Variants in IGF2BP1 observed in about 807,000 individuals in gnomAD.
IGF2BP1 encodes insulin-like growth factor 2 mRNA-binding protein 1.
In IGF2BP1, 11 loss-of-function variants were observed where a neutral mutation model predicts 74.9. That is an observed-to-expected ratio of 0.15 (90% confidence interval 0.09 to 0.24). The LOEUF is 0.24. Ranked by LOEUF, IGF2BP1 falls within the 10% of genes least tolerant of loss-of-function variation. IGF2BP1 has a pLI of 1.00. For missense variants in IGF2BP1, 440 were observed against 757.4 expected (o/e 0.58, Z 4.92); for synonymous variants, 287 against 281.8 (o/e 1.02, Z -0.18).
At chr17:49,020,660 C>T (rs2041780919) in intron 2 of IGF2BP1, among the ~76,000 whole-genome samples, 1 of 152,184 alleles carries the variant, frequency 6.6e-6, no homozygotes, top group Non-Finnish European at 1.5e-5. Flanking sequence ...CTTAAGAGTT[C>T]ACACGACCCA....
At chr17:49,019,955 T>TATTTATATATATATTTATATAC (rs2041767170) in intron 2 of IGF2BP1, among the ~76,000 whole-genome samples, 1 of 78,466 alleles carries the variant, frequency 1.3e-5, no homozygotes, top group African/African-American at 6.0e-5. Context: ...TATATTTATA[T>TATTTATATATATATTTATATAC]ACACACACAC....
chr17:49,010,759 C>T (rs2143959592), intron 2 of IGF2BP1, among the ~76,000 whole-genome samples: 1 of 152,174 alleles, frequency 6.6e-6, no homozygotes, highest in Non-Finnish European at 1.5e-5. Context: ...AGTCTCTGCC[C>T]TCCAGCATTT....
upstream of IGF2BP1, among the ~76,000 whole-genome samples, chr17:48,996,790 C>A (rs533636396): frequency 5.3e-5 from 8 of 152,326 alleles, no homozygotes; most frequent in African/African-American, 1.9e-4. Flanking sequence ...GCTTTCCAGT[C>A]CCGCGCTCGC....
At chr17:49,035,531 C>T (rs953378078) in intron 5 of IGF2BP1, among the ~76,000 whole-genome samples, 1 of 152,212 alleles carries the variant, frequency 6.6e-6, no homozygotes, top group South Asian at 2.1e-4. Flanking sequence ...TGGCAGCGGT[C>T]TGGGGCAGTG....
rs553133661 is a variant in IGF2BP1, at chr17:49,039,185, A to G, written c.683+736A>G. ...GCTACCACACCCGGCCTTTTCTCTA[A>G]TCTTTATATCTGATCAGTGTACTCA... On this transcript the variant is annotated intron_variant, in intron 6 of 14. Coordinates refer to ENST00000290341, the MANE Select transcript of IGF2BP1 (RefSeq NM_006546.4). Among the ~76,000 whole-genome samples, 168 of 151,852 alleles carry G rather than the reference A, an allele frequency of 1.1e-3. 1 individual carries two copies. Among genetic ancestry groups the G allele is most frequent in the African/African-American group, 3.6e-3 (151 of 41,424 alleles).
rs923276810 is a variant in IGF2BP1 at position 49,055,622 on chromosome 17, A to G, written c.*6178A>G. On this transcript the variant is annotated 3_prime_UTR_variant, in exon 15 of 15. Transcript: ENST00000290341. Reference sequence around the variant, plus strand: ...GAATTTCAGCAGATTATGTGTTACCATAATGAATAAACGTCCTCTATCACC... The same window carrying G: ...GAATTTCAGCAGATTATGTGTTACCGTAATGAATAAACGTCCTCTATCACC... 3 of 398,542 alleles carry G rather than the reference A, an allele frequency of 7.5e-6. No homozygotes were observed. The highest frequency in any genetic ancestry group is 6.2e-5 in the African/African-American group (3 of 48,638). The allele number at this position is 398,542 out of a possible 1,614,324, so 24.7% of individuals were successfully genotyped here.
At chr17:49,009,445 C>G (rs1001330770) in intron 2 of IGF2BP1, among the ~76,000 whole-genome samples, 1 of 152,094 alleles carries the variant, frequency 6.6e-6, no homozygotes, top group Non-Finnish European at 1.5e-5. Context: ...CGCAGTGGCT[C>G]ATGCCTGTAA....
intron 11 of IGF2BP1, among the ~76,000 whole-genome samples, chr17:49,044,462 G>A (rs1428862485): frequency 1.3e-5 from 2 of 152,128 alleles, no homozygotes; most frequent in Non-Finnish European, 2.9e-5. Context: ...AAAGCCCTTC[G>A]CTCACATACT....
At chr17:49,019,935 T>TC (rs2041762827) in intron 2 of IGF2BP1, among the ~76,000 whole-genome samples, 3 of 61,572 alleles carry the variant, frequency 4.9e-5, no homozygotes, top group African/African-American at 2.6e-4. Context: ...TATATATATA[T>TC]ATATATATAT....
chr17:48,999,249 C>A, intron 2 of IGF2BP1, 80 bp downstream of exon 2: 1 of 856,770 alleles, frequency 1.2e-6, no homozygotes, highest in South Asian at 1.4e-5. Flanking sequence ...TCCATAGCGT[C>A]TCCAGTGGAA....
At chr17:49,014,990 C>T in intron 2 of IGF2BP1, 2 of 967,122 alleles carry the variant, frequency 2.1e-6, no homozygotes, top group Non-Finnish European at 2.5e-6. Flanking sequence ...TGGGCACCAG[C>T]TCCATCCTCG....
intron 10 of IGF2BP1, 69 bp from the exon 11 acceptor site, chr17:49,043,898 C>A: frequency 6.3e-7 from 1 of 1,581,812 alleles, no homozygotes; most frequent in Non-Finnish European, 8.6e-7. Context: ...GGATGCAAGG[C>A]AGGGGAGTGG....
intron 2 of IGF2BP1, among the ~76,000 whole-genome samples, chr17:49,018,803 C>T (rs1284616320): frequency 6.6e-6 from 1 of 152,138 alleles, no homozygotes; most frequent in African/African-American, 2.4e-5. Flanking sequence ...AACCCTACTC[C>T]TAGTTTCCCA....
rs1406707528 is a variant in IGF2BP1, at chr17:49,054,826, C to G, written c.*5382C>G. The G allele has an allele frequency of 6.6e-6, 1 of 152,210 alleles. No homozygotes were observed. Among genetic ancestry groups the G allele is most frequent in the Non-Finnish European group, 1.5e-5 (1 of 68,062 alleles). The allele number at this position is 152,210 out of a possible 1,614,324, so 9.4% of individuals were successfully genotyped here. ...CCTTTTTCAGTCTTCAATGGGGGCCCAGTTGGCTCTAGAAGGAGAAGAGGT... is the reference window on the plus strand; with the variant it reads ...CCTTTTTCAGTCTTCAATGGGGGCCGAGTTGGCTCTAGAAGGAGAAGAGGT... On this transcript the variant is annotated 3_prime_UTR_variant, in exon 15 of 15. Coordinates refer to ENST00000290341, the MANE Select transcript of IGF2BP1 (RefSeq NM_006546.4).
Position 49,050,682 on chromosome 17 carries a change from G to C in IGF2BP1, c.*1238G>C, listed in dbSNP as rs188507048. Reference sequence around the variant, plus strand: ...TTTAACTGACGGCTTCTGTCTCCATGAATCATTATCAGCATGATGAAAGGT... The same window carrying C: ...TTTAACTGACGGCTTCTGTCTCCATCAATCATTATCAGCATGATGAAAGGT... On this transcript the variant is annotated 3_prime_UTR_variant, in exon 15 of 15. Coordinates refer to ENST00000290341, the MANE Select transcript of IGF2BP1 (RefSeq NM_006546.4). 7.0e-4 allele frequency: 106 copies of C among 152,296 alleles called. No homozygotes were observed. Among genetic ancestry groups the C allele is most frequent in the African/African-American group, 2.4e-3 (101 of 41,544 alleles). 9.4% of individuals were successfully genotyped at this position (152,296 alleles called of 1,614,324 possible).
intron 2 of IGF2BP1, among the ~76,000 whole-genome samples, chr17:49,001,716 C>CT (rs2041490236): frequency 6.6e-6 from 1 of 152,140 alleles, no homozygotes; most frequent in Non-Finnish European, 1.5e-5. Flanking sequence ...ACAATTTGTG[C>CT]TTTTTTGTTG....
At position 49,038,377 on chromosome 17, in the gene IGF2BP1, C is replaced by G; in HGVS notation, c.611C>G (p.Thr204Ser). 1 of 1,601,510 alleles carries G rather than the reference C, an allele frequency of 6.2e-7. No individual in the cohort carries two copies. Among genetic ancestry groups the G allele is most frequent in the Non-Finnish European group, 8.5e-7 (1 of 1,174,204 alleles). Residue 204 changes from threonine to serine, a missense_variant, in exon 6 of 15, where the codon ACC becomes AGC. This residue lies in a region of IGF2BP1 where 184 missense variants were observed against 273.4 expected (regional missense o/e 0.67). Coordinates refer to ENST00000290341, the MANE Select transcript of IGF2BP1 (RefSeq NM_006546.4). ...VDIPLRLLVP[T>S]QYVGAIIGKE... ...ATCCCCCTTCGGCTCCTGGTGCCCA[C>G]CCAGTATGTGGGTGCCATTATTGGC...
At chr17:49,023,250 A>G (rs1216828632) in intron 2 of IGF2BP1, among the ~76,000 whole-genome samples, 4 of 152,234 alleles carry the variant, frequency 2.6e-5, no homozygotes, top group East Asian at 3.9e-4. Context: ...TTGTCCTGCT[A>G]TAATCTGACT....
At chr17:49,049,110 C>T (rs1485459557) in intron 14 of IGF2BP1, among the ~76,000 whole-genome samples, 2 of 152,134 alleles carry the variant, frequency 1.3e-5, no homozygotes, top group African/African-American at 2.4e-5. Flanking sequence ...TCAAGTCCCC[C>T]AACCCCATCT....
Sources: allele counts gnomAD v4.1 joint callset (sites outside exome capture counted in the v4.1 genomes callset), GRCh38; gene constraint gnomAD v4.1.1; regional missense constraint gnomAD v4.1.1; transcripts MANE v1.5; gene names NCBI Gene and HGNC (gene_info 2026-07-23, HGNC 2026-07-21).